The following BANK1 variants were observed in gnomAD, a reference collection of about 807,000 sequenced individuals.
BANK1 encodes the protein B cell scaffold protein with ankyrin repeats 1.
A neutral mutation model predicts 94.5 loss-of-function variants in BANK1; 95 were observed. The observed-to-expected ratio is 1.00, with a 90% CI of 0.85 to 1.19. The LOEUF (loss-of-function observed/expected upper bound fraction) is 1.19, where lower values mean the gene tolerates loss of function less well. Ranked by LOEUF, BANK1 falls within the 50% of genes most tolerant of loss-of-function variation. The probability of loss-of-function intolerance (pLI) is 0.00; values close to 1 mark genes in which losing one functional copy is unlikely to be tolerated. For synonymous variants in BANK1, 334 were observed against 308.4 expected (o/e 1.08, Z -0.87); for missense variants, 987 against 932.2 (o/e 1.06, Z -0.77).
chr4:101,794,142 A>G (rs1029376453), intron 1 of BANK1, among the ~76,000 whole-genome samples: 2 of 152,134 alleles, frequency 1.3e-5, no homozygotes, highest in Non-Finnish European at 2.9e-5. Flanking sequence ...CAGTTGCAGG[A>G]AAGAATAAAG....
intron 8 of BANK1, among the ~76,000 whole-genome samples, chr4:102,022,047 T>C (rs1023384781): frequency 6.6e-6 from 1 of 152,102 alleles, no homozygotes; most frequent in Non-Finnish European, 1.5e-5. Flanking sequence ...TTCCTACATG[T>C]ATATAAACGT....
intron 6 of BANK1, among the ~76,000 whole-genome samples, chr4:101,912,291 G>A (rs1311855864): frequency 1.3e-5 from 2 of 152,044 alleles, no homozygotes; most frequent in African/African-American, 4.8e-5. Flanking sequence ...TTGCTTACTG[G>A]ATTCTGCCAT....
In BANK1 at chr4:101,934,032, C is replaced by T. The variant is rs932327081; in HGVS notation, c.1206+15843C>T. Among the ~76,000 whole-genome samples, 5 of 151,354 alleles carry T rather than the reference C, an allele frequency of 3.3e-5. 1 individual carries two copies. Among genetic ancestry groups the T allele is most frequent in the Non-Finnish European group, 5.9e-5 (4 of 67,614 alleles). ...CTGCAACCACGTAAATATTGTGAACCCTGCCTTAGGGTCTGGGTGCCACTA... is the reference window on the plus strand; with the variant it reads ...CTGCAACCACGTAAATATTGTGAACTCTGCCTTAGGGTCTGGGTGCCACTA... On this transcript the variant is annotated intron_variant, in intron 7 of 16. Coordinates refer to ENST00000322953, the MANE Select transcript of BANK1 (RefSeq NM_017935.5).
intron 7 of BANK1, among the ~76,000 whole-genome samples, chr4:101,922,043 T>C (rs1367712950): frequency 6.6e-6 from 1 of 150,834 alleles, no homozygotes; most frequent in Non-Finnish European, 1.5e-5. Context: ...TGTGTGTGTG[T>C]GTGTGTGTGT....
At chr4:101,971,061 C>A (rs1374053904) in intron 7 of BANK1, among the ~76,000 whole-genome samples, 1 of 152,050 alleles carries the variant, frequency 6.6e-6, no homozygotes, top group African/African-American at 2.4e-5. Flanking sequence ...ATAATTTGAA[C>A]TGTACTATGA....
At chr4:102,026,839 A>G (rs1283639228) in intron 9 of BANK1, among the ~76,000 whole-genome samples, 1 of 151,890 alleles carries the variant, frequency 6.6e-6, no homozygotes, top group Non-Finnish European at 1.5e-5. Flanking sequence ...AAAAAAAAAA[A>G]AAGGAATTTA....
At chr4:101,819,940 G>C (rs1052921535) in intron 1 of BANK1, among the ~76,000 whole-genome samples, 4 of 152,138 alleles carry the variant, frequency 2.6e-5, no homozygotes, top group Admixed American at 2.0e-4. Flanking sequence ...GAAGGATAAG[G>C]AGGAGAAGAA....
At chr4:102,013,848 A>T (rs1726602953) in intron 7 of BANK1, among the ~76,000 whole-genome samples, 1 of 152,092 alleles carries the variant, frequency 6.6e-6, no homozygotes, top group Non-Finnish European at 1.5e-5. Context: ...GCAACATAAA[A>T]ATTATTTTTT....
Position 102,018,820 on chromosome 4 carries a change from C to CT in BANK1, c.1207-2678dup, listed in dbSNP as rs1199831397. 2.9e-3 allele frequency among the ~76,000 whole-genome samples: 414 copies of CT among 140,502 alleles called. 2 individuals carry two copies. Among genetic ancestry groups the CT allele is most frequent in the Middle Eastern group, 7.5e-3 (2 of 268 alleles). 92.2% of individuals were successfully genotyped at this position (140,502 alleles called of 152,430 possible). On this transcript the variant is annotated intron_variant, in intron 7 of 16. Transcript: ENST00000322953. ...TCTATTTCTTTTCTTTCTTTCTTTC[C>CT]TTTTTTTTTTTTTTTTGAGACAGAG... is the stretch of plus-strand genomic sequence containing the variant.
intron 7 of BANK1, among the ~76,000 whole-genome samples, chr4:101,952,182 G>A (rs1388688338): frequency 1.3e-5 from 2 of 152,094 alleles, no homozygotes; most frequent in East Asian, 3.9e-4. Context: ...TAAGCAAAAT[G>A]ATGTACAGCA....
chr4:102,056,620 A>G (rs10516488), intron 11 of BANK1, among the ~76,000 whole-genome samples: 44,124 of 151,926 alleles, frequency 0.29, 7,865 homozygotes, highest in South Asian at 0.44. Flanking sequence ...GAGTATAATA[A>G]TGAGTGGCAG....
At chr4:101,882,559 A>G (rs1183214791) in intron 5 of BANK1, among the ~76,000 whole-genome samples, 1 of 152,194 alleles carries the variant, frequency 6.6e-6, no homozygotes, top group Non-Finnish European at 1.5e-5. Context: ...TTTTCCTTTA[A>G]TGGAAAGTGG....
chr4:102,043,819 A>G lies in BANK1; in HGVS notation c.1901-20A>G. The G allele has an allele frequency of 6.5e-7, 1 of 1,533,420 alleles. No individual in the cohort carries two copies. Among genetic ancestry groups the G allele is most frequent in the South Asian group, 1.2e-5 (1 of 83,806 alleles). The allele number at this position is 1,533,420 out of a possible 1,614,324, so 95.0% of individuals were successfully genotyped here. On this transcript the variant is annotated intron_variant, in intron 10 of 16. Coordinates refer to ENST00000322953, the MANE Select transcript of BANK1 (RefSeq NM_017935.5). Reference sequence around the variant, plus strand: ...TGAACGTTTATGTTCAGTAAATAATATGTTCTATACTTTTTACAGTGTTTC... The same window carrying G: ...TGAACGTTTATGTTCAGTAAATAATGTGTTCTATACTTTTTACAGTGTTTC...
At chr4:101,852,470 C>CTATATATATATATA (rs541955636) in intron 2 of BANK1, among the ~76,000 whole-genome samples, 17 of 103,754 alleles carry the variant, frequency 1.6e-4, no homozygotes, top group African/African-American at 2.9e-4. Flanking sequence ...TATTTTTCGG[C>CTATATATATATATA]TATATATATA....
rs115375458 is a variant in BANK1, at chr4:101,918,523, A to G, written c.1206+334A>G. 4.1e-3 allele frequency among the ~76,000 whole-genome samples: 620 copies of G among 152,068 alleles called. 3 individuals carry two copies. The highest frequency in any genetic ancestry group is 0.014 in the African/African-American group (596 of 41,538). On this transcript the variant is annotated intron_variant, in intron 7 of 16. Coordinates refer to ENST00000322953, the MANE Select transcript of BANK1 (RefSeq NM_017935.5). ...CTTTTTGAAGAATGTTAGTTTTGTA[A>G]GAATGTAACCAAAGAAGATTTTAAG... is the stretch of plus-strand genomic sequence containing the variant.
intron 1 of BANK1, among the ~76,000 whole-genome samples, chr4:101,808,823 A>G (rs1725647982): frequency 6.6e-6 from 1 of 152,170 alleles, no homozygotes; most frequent in African/African-American, 2.4e-5. Context: ...TTCCTTCAAG[A>G]ATGGCCATAA....
intron 6 of BANK1, among the ~76,000 whole-genome samples, chr4:101,910,697 A>C (rs1329430738): frequency 6.6e-6 from 1 of 150,586 alleles, no homozygotes; most frequent in Non-Finnish European, 1.5e-5. Context: ...CCGTCTCGAA[A>C]AAAAAAAAAA....
intron 12 of BANK1, among the ~76,000 whole-genome samples, chr4:102,060,853 A>C (rs376381314): frequency 1.3e-5 from 2 of 152,288 alleles, no homozygotes; most frequent in East Asian, 3.9e-4. Flanking sequence ...ACACACATTT[A>C]CATATATATG....
intron 1 of BANK1, among the ~76,000 whole-genome samples, chr4:101,816,783 A>G (rs1725934036): frequency 6.6e-6 from 1 of 152,154 alleles, no homozygotes; most frequent in African/African-American, 2.4e-5. Context: ...AATTTGCTAG[A>G]TCACATAACA....
Sources: gnomAD v4.1 joint callset for allele counts (sites outside exome capture counted in the v4.1 genomes callset) on GRCh38, gnomAD v4.1.1 for gene constraint, MANE v1.5 for transcripts, NCBI Gene and HGNC (gene_info 2026-07-23, HGNC 2026-07-21) for gene names.